OXNAD1: variants seen among roughly 807,000 people sequenced by gnomAD.
The protein encoded by OXNAD1 is oxidoreductase NAD-binding domain-containing protein 1.
OXNAD1 carries 34 observed loss-of-function variants against 32.9 expected under a neutral mutation model. The ratio of observed to expected loss-of-function variants is 1.03; its 90% CI spans 0.79 to 1.38. The LOEUF (loss-of-function observed/expected upper bound fraction) is 1.38. Ranked by LOEUF, OXNAD1 falls within the 40% of genes most tolerant of loss-of-function variation. OXNAD1 has a pLI of 0.00. For missense variants in OXNAD1, 407 were observed against 379.4 expected (o/e 1.07, Z -0.60); for synonymous variants, 134 against 135.2 (o/e 0.99, Z 0.06).
intron 5 of OXNAD1, among the ~76,000 whole-genome samples, chr3:16,286,750 T>G (rs1262483861): frequency 6.6e-6 from 1 of 152,200 alleles, no homozygotes; most frequent in Admixed American, 6.5e-5. Flanking sequence ...ATAATTAGAC[T>G]CTTCAGGAAT....
chr3:16,286,416 T>G lies in OXNAD1; in HGVS notation c.258T>G (p.Ala86=). 6.2e-7 allele frequency: 1 copy of G among 1,613,950 alleles called. No individual in the cohort carries two copies. The highest frequency in any genetic ancestry group is 1.1e-5 in the South Asian group (1 of 91,084). Residue 86 remains alanine (A), a synonymous_variant, in exon 5 of 9, where the codon GCT becomes GCG. Transcript: ENST00000285083. The part of the protein sequence containing the change: ...PSVKSLRLLV[A]DQDFSFKAGQ... ...TGAAGAGCCTCCGCTTGCTTGTTGC[T>G]GATCAAGACTTTTCCTTTAAAGCTG...
At chr3:16,323,783 G>A (rs1018782183) in intron 9 of OXNAD1, among the ~76,000 whole-genome samples, 1 of 152,194 alleles carries the variant, frequency 6.6e-6, no homozygotes, top group Non-Finnish European at 1.5e-5. Flanking sequence ...AAGGGGCAGG[G>A]GCCTTTTCCA....
chr3:16,269,317 A>G, intron 2 of OXNAD1, 42 bp downstream of exon 2: 1 of 1,523,678 alleles, frequency 6.6e-7, no homozygotes, highest in Non-Finnish European at 8.8e-7. Context: ...AGGTAACATT[A>G]TTGACTTAGA....
rs1291487650 is a variant in OXNAD1, at chr3:16,265,255, T to C, written c.-409T>C. 8.5e-6 allele frequency: 2 copies of C among 234,110 alleles called. No individual in the cohort carries two copies. Among genetic ancestry groups the C allele is most frequent in the Admixed American group, 1.0e-4 (2 of 19,386 alleles). 14.5% of individuals were successfully genotyped at this position (234,110 alleles called of 1,614,324 possible). ...ACTAAACGTGGCCGGGTCTGCAAGC[T>C]AGGTGCCAGCGGGGAAAGTTTCCCT... is the stretch of plus-strand genomic sequence containing the variant. On this transcript the variant is annotated 5_prime_UTR_variant, in exon 1 of 9. Transcript: ENST00000285083. The surrounding 1 kb of genome is among the most constrained non-coding windows in gnomAD (Gnocchi z 4.8).
intron 9 of OXNAD1, among the ~76,000 whole-genome samples, chr3:16,325,980 G>T (rs531699431): frequency 4.6e-5 from 7 of 152,378 alleles, no homozygotes; most frequent in African/African-American, 1.2e-4. Context: ...TGATTCTGCA[G>T]ACTGAGGTTC....
At position 16,314,839 on chromosome 3, in the gene OXNAD1, C is replaced by T. The variant is rs1305535716; in HGVS notation, c.*30+11247C>T. The T allele has an allele frequency of 1.3e-5, 2 of 152,188 alleles. No individual in the cohort carries two copies. Among genetic ancestry groups the T allele is most frequent in the African/African-American group, 4.8e-5 (2 of 41,434 alleles). The allele number at this position is 152,188 out of a possible 1,614,324, so 9.4% of individuals were successfully genotyped here. ...TCAAAGTTGAGTGTGGTGTTTTTGT[C>T]CTGGCCTGTTGCTGACTAGCATATA... is the stretch of plus-strand genomic sequence containing the variant. On this transcript the variant is annotated intron_variant, in intron 9 of 9. Coordinates refer to the OXNAD1 transcript ENST00000435829. This position sits in a 1 kb window ranked among gnomAD's most constrained non-coding sequence, Gnocchi z 4.4.
chr3:16,336,676 A>T lies in OXNAD1; in HGVS notation c.*31-436A>T, dbSNP rs576952969. 6.2e-4 allele frequency among the ~76,000 whole-genome samples: 93 copies of T among 150,892 alleles called. No homozygotes were observed. Among genetic ancestry groups the T allele is most frequent in the South Asian group, 3.3e-3 (16 of 4,792 alleles). On this transcript the variant is annotated intron_variant, in intron 9 of 9. Coordinates refer to the OXNAD1 transcript ENST00000435829. The surrounding 1 kb of genome is among the most constrained non-coding windows in gnomAD (Gnocchi z 6.0). ...TCAAAGAGAATAATTTTTTTTTTTT[A>T]AAAAAGCTTAGTTCTTAGATGCAGA...
chr3:16,316,775 A>G lies in OXNAD1; in HGVS notation c.*30+13183A>G. 1 of 1,604,798 alleles carries G rather than the reference A, an allele frequency of 6.2e-7. No individual in the cohort carries two copies. On this transcript the variant is annotated intron_variant, in intron 9 of 9. Transcript: ENST00000435829. The surrounding 1 kb of genome is among the most constrained non-coding windows in gnomAD (Gnocchi z 4.5). ...ACCAGCCCCCAAACCAGCTGTTGGT[A>G]AGATGCCTTGGGTTTGGCAACTCAC...
downstream of OXNAD1, among the ~76,000 whole-genome samples, chr3:16,337,775 A>C (rs1444621295): frequency 6.6e-6 from 1 of 151,590 alleles, no homozygotes; most frequent in Non-Finnish European, 1.5e-5. This position sits in a 1 kb window ranked among gnomAD's most constrained non-coding sequence, Gnocchi z 5.0. Context: ...AAGTCACCTC[A>C]TTTGATTTGA....
In OXNAD1 at chr3:16,302,308, G is replaced by A. The variant is rs2067239477; in HGVS notation, c.676-332G>A. Among the ~76,000 whole-genome samples the A allele has an allele frequency of 6.6e-6, 1 of 152,184 alleles. No homozygotes were observed. Among genetic ancestry groups the A allele is most frequent in the Non-Finnish European group, 1.5e-5 (1 of 68,038 alleles). On this transcript the variant is annotated intron_variant, in intron 7 of 8. Coordinates refer to ENST00000285083, the MANE Select transcript of OXNAD1 (RefSeq NM_138381.5). This position sits in a 1 kb window ranked among gnomAD's most constrained non-coding sequence, Gnocchi z 4.2. ...CACTGGGGATTGCTTTGCAGCTGCA[G>A]GAATGAACAAAAGAACAGAAACAGT...
downstream of OXNAD1, chr3:16,339,379 T>C (rs2071155380): frequency 6.6e-6 from 1 of 152,256 alleles, no homozygotes; most frequent in Non-Finnish European, 1.5e-5. Flanking sequence ...CTGATAGGGC[T>C]TCTGAGGTGC....
chr3:16,336,347 T>C lies in OXNAD1; in HGVS notation c.*31-765T>C, dbSNP rs1268559163. The stretch of plus-strand genomic sequence containing the variant: ...AGGGGTGGGGAGAACAAGCACATGG[T>C]TCCCATCCAGTGGAGCCCATGGAGG... On this transcript the variant is annotated intron_variant, in intron 9 of 9. Transcript: ENST00000435829. The surrounding 1 kb of genome is among the most constrained non-coding windows in gnomAD (Gnocchi z 6.0). Among the ~76,000 whole-genome samples the C allele has an allele frequency of 6.6e-6, 1 of 152,122 alleles. No homozygotes were observed. The highest frequency in any genetic ancestry group is 6.5e-5 in the Admixed American group (1 of 15,272).
Position 16,288,964 on chromosome 3 carries a change from C to G in OXNAD1, c.290+2516C>G, listed in dbSNP as rs111386392. 4.4e-4 allele frequency among the ~76,000 whole-genome samples: 67 copies of G among 152,310 alleles called. No homozygotes were observed. Among genetic ancestry groups the G allele is most frequent in the African/African-American group, 1.4e-3 (59 of 41,570 alleles). ...ACTGTGGGTAGCAGTGTATTGTCGCCTAGTGCCCTGGAGACTGCTCAGCTC... is the reference window on the plus strand; with the variant it reads ...ACTGTGGGTAGCAGTGTATTGTCGCGTAGTGCCCTGGAGACTGCTCAGCTC... On this transcript the variant is annotated intron_variant, in intron 5 of 8. Transcript: ENST00000285083. The surrounding 1 kb of genome is among the most constrained non-coding windows in gnomAD (Gnocchi z 5.1).
Position 16,348,451 on chromosome 3 carries a change from C to T in OXNAD1, c.*31-725C>T, listed in dbSNP as rs1309083814. On this transcript the variant is annotated intron_variant, in intron 9 of 9. Transcript: ENST00000606098. This position sits in a 1 kb window ranked among gnomAD's most constrained non-coding sequence, Gnocchi z 6.3. ...GCAGGAAGCCCCCACACTCAATTCC[C>T]TTAGCCCATCCAAGTCCTGGCTTGA... 6.6e-6 allele frequency among the ~76,000 whole-genome samples: 1 copy of T among 152,190 alleles called. No homozygotes were observed. The highest frequency in any genetic ancestry group is 1.5e-5 in the Non-Finnish European group (1 of 68,024).
rs1424766792 is a variant in OXNAD1 at position 16,299,942 on chromosome 3, A to C, written c.433-1684A>C. ...AGCCAGATACTCGGGAGTTCCACCC[A>C]CTGTGAGTCAGTTCATGTTCACACC... On this transcript the variant is annotated intron_variant, in intron 6 of 8. Coordinates refer to ENST00000285083, the MANE Select transcript of OXNAD1 (RefSeq NM_138381.5). The surrounding 1 kb of genome is among the most constrained non-coding windows in gnomAD (Gnocchi z 4.4). Among the ~76,000 whole-genome samples, 1 of 152,232 alleles carries C rather than the reference A, an allele frequency of 6.6e-6. No individual in the cohort carries two copies. Among genetic ancestry groups the C allele is most frequent in the East Asian group, 1.9e-4 (1 of 5,198 alleles).
In OXNAD1 at chr3:16,295,879, C is replaced by T. The variant is rs566085667; in HGVS notation, c.432+882C>T. On this transcript the variant is annotated intron_variant, in intron 6 of 8. Coordinates refer to ENST00000285083, the MANE Select transcript of OXNAD1 (RefSeq NM_138381.5). ...AAAAAGAAAACAAAACCTCTATTTT[C>T]AGCAAAACTTGGAAACACACTGTAG... 2.0e-5 allele frequency among the ~76,000 whole-genome samples: 3 copies of T among 152,296 alleles called. No homozygotes were observed. In the East Asian group the frequency reaches 5.8e-4, roughly 29 times the overall value.
intron 5 of OXNAD1, among the ~76,000 whole-genome samples, chr3:16,291,121 G>A (rs950835943): frequency 6.6e-6 from 1 of 152,296 alleles, no homozygotes; most frequent in South Asian, 2.1e-4. Flanking sequence ...ACTACAGGAT[G>A]TGGTTAGAAG....
Position 16,327,614 on chromosome 3 carries a change from A to T in OXNAD1, c.*31-9498A>T, listed in dbSNP as rs2069843814. On this transcript the variant is annotated intron_variant, in intron 9 of 9. Coordinates refer to the OXNAD1 transcript ENST00000435829. The surrounding 1 kb of genome is among the most constrained non-coding windows in gnomAD (Gnocchi z 4.2). ...CTCTACTAAAAATACAAAAAAAATTAGCCAGGCCTGGTGGCGGGCGCCTGT... is the reference window on the plus strand; with the variant it reads ...CTCTACTAAAAATACAAAAAAAATTTGCCAGGCCTGGTGGCGGGCGCCTGT... 6.6e-6 allele frequency among the ~76,000 whole-genome samples: 1 copy of T among 152,060 alleles called. No individual in the cohort carries two copies. The highest frequency in any genetic ancestry group is 2.1e-4 in the South Asian group (1 of 4,820).
chr3:16,318,455 A>G (rs193003828), intron 9 of OXNAD1, among the ~76,000 whole-genome samples: 2 of 152,328 alleles, frequency 1.3e-5, no homozygotes, highest in East Asian at 3.9e-4. Context: ...AGGCTTTAGT[A>G]TGTTGTAAAT....
Sources: allele counts gnomAD v4.1 joint callset (sites outside exome capture counted in the v4.1 genomes callset), GRCh38; gene constraint gnomAD v4.1.1; non-coding constraint Gnocchi (gnomAD v3.1); transcripts MANE v1.5; gene names NCBI Gene and HGNC (gene_info 2026-07-23, HGNC 2026-07-21).